RPE65: variants seen among roughly 807,000 people sequenced by gnomAD.
RPE65 encodes retinoid isomerohydrolase RPE65, also known as retinoid isomerohydrolase.
A neutral mutation model predicts 68.5 loss-of-function variants in RPE65; 58 were observed. The ratio of observed to expected loss-of-function variants is 0.85; its 90% CI spans 0.69 to 1.05. RPE65 has a LOEUF of 1.05. Among genes scored for constraint, RPE65 ranks in the 50% least tolerant of loss-of-function variants. The pLI, the probability that RPE65 is intolerant of heterozygous loss-of-function variation, is 0.00. For missense variants in RPE65, 643 were observed against 629.9 expected, an observed-to-expected ratio of 1.02 and a Z score of -0.22; for synonymous variants, 220 against 222.2, an observed-to-expected ratio of 0.99 and a Z score of 0.09.
At chr1:68,443,445 A>G (rs12408546) in intron 5 of RPE65, among the ~76,000 whole-genome samples, 26,579 of 152,118 alleles carry the variant, frequency 0.17, 2,442 homozygotes, top group Admixed American at 0.23. Context: ...AAATGCTGCA[A>G]GTCTAGTCCA....
chr1:68,444,009 A>G (rs79061671), intron 5 of RPE65, among the ~76,000 whole-genome samples: 2,130 of 152,302 alleles, frequency 0.014, 48 homozygotes, highest in African/African-American at 0.049. Context: ...CATGATTTTC[A>G]GTATCAGTAG....
chr1:68,439,092 G>A lies in RPE65; in HGVS notation c.859-11C>T, dbSNP rs369772824. On this transcript the variant is annotated splice_polypyrimidine_tract_variant and intron_variant, in intron 8 of 13. Coordinates refer to ENST00000262340, the MANE Select transcript of RPE65 (RefSeq NM_000329.3). Reference sequence around the variant, plus strand: ...AATATGAAGCCAAACCTTGAAAAATGAGGAAAATATTTTGATGCATTTAAA... The same window carrying A: ...AATATGAAGCCAAACCTTGAAAAATAAGGAAAATATTTTGATGCATTTAAA... 160 of 1,613,904 alleles carry A rather than the reference G, an allele frequency of 9.9e-5. No homozygotes were observed. The highest frequency in any genetic ancestry group is 1.3e-4 in the Non-Finnish European group (149 of 1,179,990).
At position 68,445,504 on chromosome 1, in the gene RPE65, T is replaced by TTTAA. The variant is rs571468020; in HGVS notation, c.246-625_246-622dup. ...GCCAGTTAAAATCTGATTTTGTACTTTTAATTAATTAATTAATTAATTAAT... is the reference window on the plus strand; with the variant it reads ...GCCAGTTAAAATCTGATTTTGTACTTTTAATTAATTAATTAATTAATTAATTAAT... On this transcript the variant is annotated intron_variant, in intron 3 of 13. Coordinates refer to ENST00000262340, the MANE Select transcript of RPE65 (RefSeq NM_000329.3). 6.8e-3 allele frequency among the ~76,000 whole-genome samples: 1,037 copies of TTTAA among 152,020 alleles called. 12 individuals are homozygous for TTTAA. Among genetic ancestry groups the TTTAA allele is most frequent in the East Asian group, 0.023 (116 of 5,140 alleles).
At chr1:68,436,901 T>G (rs1645866926) in intron 10 of RPE65, among the ~76,000 whole-genome samples, 1 of 152,214 alleles carries the variant, frequency 6.6e-6, no homozygotes, top group Non-Finnish European at 1.5e-5. Flanking sequence ...AGATACCAAC[T>G]GCTGTTGATT....
chr1:68,436,572 G>A (rs1365266058), intron 10 of RPE65, among the ~76,000 whole-genome samples: 1 of 151,842 alleles, frequency 6.6e-6, no homozygotes, highest in Non-Finnish European at 1.5e-5. Flanking sequence ...GGGTTCAAGC[G>A]ATTCTCTTGC....
At position 68,446,697 on chromosome 1, in the gene RPE65, A is replaced by G. The variant is rs770402204; in HGVS notation, c.245+13T>C. On this transcript the variant is annotated intron_variant, in intron 3 of 13. Transcript: ENST00000262340. Reference sequence around the variant, plus strand: ...ACTTTGAGGAGGAGGAGTGGCATGGAGTGCTGCTTTACCTTCTGTGGTATG... The same window carrying G: ...ACTTTGAGGAGGAGGAGTGGCATGGGGTGCTGCTTTACCTTCTGTGGTATG... 2 of 1,614,140 alleles carry G rather than the reference A, an allele frequency of 1.2e-6. No homozygotes were observed. Among genetic ancestry groups the G allele is most frequent in the Admixed American group, 3.3e-5 (2 of 60,020 alleles).
chr1:68,433,668 T>C (rs1174105391), intron 10 of RPE65, among the ~76,000 whole-genome samples: 2 of 152,168 alleles, frequency 1.3e-5, no homozygotes, highest in African/African-American at 4.8e-5. Context: ...CCGGGAAATG[T>C]AGCAGAAAGA....
intron 10 of RPE65, among the ~76,000 whole-genome samples, chr1:68,432,746 G>A (rs1571159870): frequency 6.6e-6 from 1 of 152,172 alleles, no homozygotes; most frequent in East Asian, 1.9e-4. Context: ...GGAGTGAGAT[G>A]CTATGATTTA....
Position 68,444,611 on chromosome 1 carries a change from C to A in RPE65, c.415G>T (p.Val139Leu), listed in dbSNP as rs1645928145. The change falls in exon 5 of 14, where the codon GTG becomes TTG. Residue 139 changes from valine to leucine, a missense_variant. Coordinates refer to ENST00000262340, the MANE Select transcript of RPE65 (RefSeq NM_000329.3). ...GTGCAAGCGTAGTAATCTTCCCCCA[C>A]TGGGTAGACATTAACAAGGGCATTG... is the stretch of plus-strand genomic sequence containing the variant. ...TDNALVNVYP[V>L]GEDYYACTET... 1 of 1,614,162 alleles carries A rather than the reference C, an allele frequency of 6.2e-7. No homozygotes were observed. Among genetic ancestry groups the A allele is most frequent in the South Asian group, 1.1e-5 (1 of 91,084 alleles).
At chr1:68,438,867 G>A (rs1645879034) in intron 9 of RPE65, 75 bp downstream of exon 9, 1 of 1,558,024 alleles carries the variant, frequency 6.4e-7, no homozygotes, top group Non-Finnish European at 8.9e-7. Context: ...CAGATTGAGT[G>A]CAGCAGCTCT....
At chr1:68,438,879 T>C (rs1176944400) in intron 9 of RPE65, 63 bp downstream of exon 9, 1 of 1,605,504 alleles carries the variant, frequency 6.2e-7, no homozygotes, top group Non-Finnish European at 8.5e-7. Context: ...AGCAGCTCTG[T>C]AAAAACCCCG....
chr1:68,435,874 G>A (rs1369148311), intron 10 of RPE65, among the ~76,000 whole-genome samples: 3 of 152,124 alleles, frequency 2.0e-5, no homozygotes, highest in Admixed American at 2.0e-4. Context: ...ACTAGGTAAC[G>A]GGCTCCATGA....
rs746127684 is a variant in RPE65, at chr1:68,439,053, C to CT, written c.886dup (p.Arg296LysfsTer7). 6.8e-6 allele frequency: 11 copies of CT among 1,613,944 alleles called. No homozygotes were observed. Among genetic ancestry groups the CT allele is most frequent in the East Asian group, 2.2e-5 (1 of 44,858 alleles). On this transcript the variant is annotated frameshift_variant, in exon 9 of 14. Transcript: ENST00000262340. LOFTEE classifies it high-confidence loss of function. The stretch of plus-strand genomic sequence containing the variant: ...GTATTTATTATTGAGGTACTTTTTC[C>CT]TTTTTTTGTCAGCAATATGAAGCCA...
chr1:68,433,563 C>A (rs542637860), intron 10 of RPE65, among the ~76,000 whole-genome samples: 1 of 152,058 alleles, frequency 6.6e-6, no homozygotes, highest in Admixed American at 6.6e-5. Flanking sequence ...CCATCAGCTG[C>A]ATCTGAGTGT....
chr1:68,448,783 G>A (rs1006782630), intron 1 of RPE65, 77 bp from the exon 2 acceptor site: 5 of 1,168,140 alleles, frequency 4.3e-6, no homozygotes, highest in South Asian at 1.3e-5. Context: ...AGCTGCAGGA[G>A]AGAAGGCACT....
At chr1:68,436,918 C>T (rs1482548588) in intron 10 of RPE65, among the ~76,000 whole-genome samples, 7 of 152,146 alleles carry the variant, frequency 4.6e-5, no homozygotes, top group African/African-American at 1.7e-4. Context: ...GATTTTGCTG[C>T]CTAAATATTT....
chr1:68,443,693 A>G (rs1645919144), intron 5 of RPE65, among the ~76,000 whole-genome samples: 1 of 152,198 alleles, frequency 6.6e-6, no homozygotes, highest in Admixed American at 6.5e-5. Context: ...TCCTTCTTAA[A>G]AGACTCGTCA....
At chr1:68,441,060 C>T (rs1275558514) in intron 5 of RPE65, 60 bp from the exon 6 acceptor site, 1 of 1,596,556 alleles carries the variant, frequency 6.3e-7, no homozygotes, top group South Asian at 1.1e-5. Context: ...ATACCTTTGT[C>T]CCTAGGTCTG....
chr1:68,448,518 CCT>C, intron 2 of RPE65, 104 bp downstream of exon 2: 1 of 1,018,268 alleles, frequency 9.8e-7, no homozygotes, highest in Non-Finnish European at 1.5e-6. Context: ...GATCCCTCTC[CCT>C]GTGACCCACA....
Sources: allele counts gnomAD v4.1 joint callset (sites outside exome capture counted in the v4.1 genomes callset), GRCh38; gene constraint gnomAD v4.1.1; transcripts MANE v1.5; gene names NCBI Gene and HGNC (gene_info 2026-07-23, HGNC 2026-07-21).